The following SGCZ variants were observed in gnomAD, a reference collection of about 807,000 sequenced individuals.
SGCZ encodes the protein sarcoglycan zeta, also known as zeta-sarcoglycan.
SGCZ carries 40 observed loss-of-function variants against 41.3 expected under a neutral mutation model. That is an observed-to-expected ratio of 0.97 (90% CI 0.75 to 1.26). The LOEUF (loss-of-function observed/expected upper bound fraction) is 1.26, where lower values mean the gene tolerates loss of function less well. Among genes scored for constraint, SGCZ ranks in the 50% most tolerant of loss-of-function variants. The pLI is 0.00. For synonymous variants in SGCZ, 206 were observed against 137.5 expected, an observed-to-expected ratio of 1.50 and a Z score of -3.49; for missense variants, 552 against 369.8, an observed-to-expected ratio of 1.49 and a Z score of -4.04.
chr8:14,880,913 C>A (rs1351457192), intron 1 of SGCZ, among the ~76,000 whole-genome samples: 1 of 151,752 alleles, frequency 6.6e-6, no homozygotes, highest in East Asian at 1.9e-4. Flanking sequence ...ATGTAACAAA[C>A]CTGCATGTTG....
At chr8:14,195,839 C>T (rs963150088) in intron 4 of SGCZ, among the ~76,000 whole-genome samples, 1 of 152,032 alleles carries the variant, frequency 6.6e-6, no homozygotes, top group Non-Finnish European at 1.5e-5. Flanking sequence ...GTGAAAAAGA[C>T]AATTATAGAT....
intron 4 of SGCZ, among the ~76,000 whole-genome samples, chr8:14,188,834 GT>G (rs869252351): frequency 1.6e-5 from 1 of 61,780 alleles, no homozygotes; most frequent in Non-Finnish European, 2.6e-5. Flanking sequence ...GTTTTTTTTT[GT>G]TTGTTTGTTT....
rs185488479 is a variant in SGCZ at position 14,851,297 on chromosome 8, A to C, written c.40-296371T>G. Among the ~76,000 whole-genome samples the C allele has an allele frequency of 2.2e-5, 3 of 133,824 alleles. No individual in the cohort carries two copies. The East Asian group carries it at 7.8e-4, about 35-fold the overall frequency. 87.8% of individuals were successfully genotyped at this position (133,824 alleles called of 152,430 possible). A position where few individuals can be genotyped will look rare whatever the true frequency, so the allele number is the denominator to read the frequency against. On this transcript the variant is annotated intron_variant, in intron 1 of 7. Coordinates refer to ENST00000382080, the MANE Select transcript of SGCZ (RefSeq NM_139167.4). ...GGTAGGAGAATGGCATGAACCTGGG[A>C]GGCAGAGCTTGCAGTAAGCCAAGAT...
At chr8:14,557,277 G>T (rs754835541) in intron 1 of SGCZ, among the ~76,000 whole-genome samples, 5 of 132,116 alleles carry the variant, frequency 3.8e-5, no homozygotes, top group African/African-American at 1.4e-4. Context: ...TTTTTGATGG[G>T]GATTTTTTTT....
intron 2 of SGCZ, among the ~76,000 whole-genome samples, chr8:14,535,465 C>T (rs186780837): frequency 6.6e-6 from 1 of 151,958 alleles, no homozygotes; most frequent in East Asian, 1.9e-4. Flanking sequence ...ACTCGATTAG[C>T]AATGACAATC....
At chr8:14,103,186 A>G (rs924807681) in intron 6 of SGCZ, among the ~76,000 whole-genome samples, 2 of 152,234 alleles carry the variant, frequency 1.3e-5, no homozygotes, top group African/African-American at 4.8e-5. Context: ...GGTTGGCTAC[A>G]TAAATTAGGA....
chr8:14,690,892 T>C (rs180682608), intron 1 of SGCZ, among the ~76,000 whole-genome samples: 168 of 152,312 alleles, frequency 1.1e-3, no homozygotes, highest in African/African-American at 4.0e-3. Flanking sequence ...TGTGTTAGTG[T>C]TGTGAAATAT....
At chr8:14,831,237 C>T (rs572662275) in intron 1 of SGCZ, among the ~76,000 whole-genome samples, 3 of 152,246 alleles carry the variant, frequency 2.0e-5, no homozygotes, top group Non-Finnish European at 2.9e-5. Flanking sequence ...CGGCAAAATA[C>T]TCATGGTGTT....
At chr8:14,823,077 A>T (rs893064386) in intron 1 of SGCZ, among the ~76,000 whole-genome samples, 1 of 147,690 alleles carries the variant, frequency 6.8e-6, no homozygotes, top group African/African-American at 2.5e-5. Flanking sequence ...AAAAAAAAAA[A>T]GACTTCTGTG....
At chr8:15,234,178 G>C (rs1802049407) in intron 1 of SGCZ, among the ~76,000 whole-genome samples, 2 of 152,146 alleles carry the variant, frequency 1.3e-5, no homozygotes, top group African/African-American at 4.8e-5. Flanking sequence ...CATAAGATCA[G>C]TTGTTTAAAA....
At chr8:15,139,397 A>G (rs1808235759) in intron 1 of SGCZ, among the ~76,000 whole-genome samples, 1 of 152,180 alleles carries the variant, frequency 6.6e-6, no homozygotes, top group South Asian at 2.1e-4. Flanking sequence ...GGACTTAATA[A>G]ACATAGTAAA....
intron 1 of SGCZ, among the ~76,000 whole-genome samples, chr8:14,643,072 C>T (rs1807080474): frequency 6.6e-6 from 1 of 151,550 alleles, no homozygotes; most frequent in Admixed American, 6.6e-5. Context: ...CTATTGCTTT[C>T]AATGAAATAT....
At chr8:15,130,413 G>A (rs549432944) in intron 1 of SGCZ, among the ~76,000 whole-genome samples, 1 of 152,302 alleles carries the variant, frequency 6.6e-6, no homozygotes, top group Non-Finnish European at 1.5e-5. Flanking sequence ...AAATGCAAAT[G>A]AGAAAAATTA....
intron 2 of SGCZ, among the ~76,000 whole-genome samples, chr8:14,390,790 G>A (rs569475964): frequency 1.3e-5 from 2 of 151,968 alleles, no homozygotes; most frequent in South Asian, 4.2e-4. Flanking sequence ...CAAAATATCT[G>A]GTGAGCAATA....
chr8:14,680,978 A>AAAC (rs1554479502), intron 1 of SGCZ, among the ~76,000 whole-genome samples: 2 of 151,084 alleles, frequency 1.3e-5, no homozygotes, highest in East Asian at 3.9e-4. Flanking sequence ...AAAAAAAAAA[A>AAAC]AAACAGAAAA....
At chr8:14,550,851 T>C (rs1369812070) in intron 2 of SGCZ, among the ~76,000 whole-genome samples, 1 of 152,064 alleles carries the variant, frequency 6.6e-6, no homozygotes, top group African/African-American at 2.4e-5. Context: ...AAATGATCTC[T>C]TGTAATGTAC....
At chr8:14,251,999 C>T (rs1328588818) in intron 3 of SGCZ, among the ~76,000 whole-genome samples, 2 of 152,126 alleles carry the variant, frequency 1.3e-5, no homozygotes, top group African/African-American at 4.8e-5. Flanking sequence ...CGTGAGCCAC[C>T]GTGCCTGGCC....
chr8:14,146,879 A>T (rs78916489), intron 5 of SGCZ, among the ~76,000 whole-genome samples: 51,424 of 135,906 alleles, frequency 0.38, 14,329 homozygotes, highest in Non-Finnish European at 0.53. Flanking sequence ...CTCAAAAAAT[A>T]AAAATAAAAA....
At chr8:14,548,189 G>A (rs1248691370) in intron 2 of SGCZ, among the ~76,000 whole-genome samples, 3 of 152,104 alleles carry the variant, frequency 2.0e-5, no homozygotes, top group Non-Finnish European at 2.9e-5. Context: ...TAACTTGCAC[G>A]AGGTAATAGA....
Sources: allele counts gnomAD v4.1 joint callset (sites outside exome capture counted in the v4.1 genomes callset), GRCh38; gene constraint gnomAD v4.1.1; transcripts MANE v1.5; gene names NCBI Gene and HGNC (gene_info 2026-07-23, HGNC 2026-07-21).